The following CPEB1 variants were observed in gnomAD, a reference collection of about 807,000 sequenced individuals.
CPEB1 encodes the protein cytoplasmic polyadenylation element-binding protein 1.
Under a neutral mutation model 65.8 loss-of-function variants are expected in CPEB1, and 7 were observed. The observed-to-expected ratio is 0.11, with a 90% CI of 0.06 to 0.20. The LOEUF (loss-of-function observed/expected upper bound fraction) is 0.20. Among genes scored for constraint, CPEB1 ranks in the 10% least tolerant of loss-of-function variants. CPEB1 has a pLI of 1.00. For missense variants in CPEB1, 551 were observed against 712.2 expected, an observed-to-expected ratio of 0.77 and a Z score of 2.58; for synonymous variants, 262 against 260.0, an observed-to-expected ratio of 1.01 and a Z score of -0.08.
chr15:82,605,173 A>G (rs2043454132), intron 3 of CPEB1, among the ~76,000 whole-genome samples: 1 of 152,192 alleles, frequency 6.6e-6, no homozygotes, highest in South Asian at 2.1e-4. Flanking sequence ...AGAAATTAAG[A>G]CATTCCTAGA....
Position 82,626,427 on chromosome 15 carries a change from C to T in CPEB1, c.271+766G>A, listed in dbSNP as rs1043014612. Among the ~76,000 whole-genome samples the T allele has an allele frequency of 5.9e-5, 9 of 151,678 alleles. No individual in the cohort carries two copies. The South Asian group carries it at 8.3e-4, about 14-fold the overall frequency. On this transcript the variant is annotated intron_variant, in intron 3 of 12. Transcript: ENST00000684509. ...CCAACCTGGCAACAGAGTGAGACTC[C>T]GTCCCAAAAAACAAAAAGAAAGAAA...
intron 3 of CPEB1, chr15:82,572,910 C>T: frequency 2.2e-6 from 2 of 919,408 alleles, no homozygotes; most frequent in Non-Finnish European, 3.0e-6. Flanking sequence ...GCCATCTCCT[C>T]CCACATCGGT....
chr15:82,563,356 TC>T (rs2038562151), intron 4 of CPEB1, among the ~76,000 whole-genome samples: 2 of 129,264 alleles, frequency 1.5e-5, no homozygotes, highest in Admixed American at 1.7e-4. Context: ...TCATCTCTAT[TC>T]TTTTTTTTTT....
At chr15:82,627,073 T>C (rs1297904613) in intron 3 of CPEB1, 120 bp downstream of exon 3, 2 of 751,720 alleles carry the variant, frequency 2.7e-6, no homozygotes, top group East Asian at 5.7e-5. Context: ...AAAAGGCAAG[T>C]ATTGCCAGCA....
At chr15:82,640,667 T>C (rs1596146148) in intron 1 of CPEB1, 1 of 152,190 alleles carries the variant, frequency 6.6e-6, no homozygotes, top group Non-Finnish European at 1.5e-5. Flanking sequence ...CTCAGATAGA[T>C]ACACGCATTC....
chr15:82,640,437 A>C (rs1223095372), intron 1 of CPEB1, among the ~76,000 whole-genome samples: 1 of 152,186 alleles, frequency 6.6e-6, no homozygotes, highest in African/African-American at 2.4e-5. Context: ...TTAAAATTCT[A>C]GCAATACTGT....
intron 3 of CPEB1, among the ~76,000 whole-genome samples, chr15:82,592,016 G>T (rs1408281548): frequency 6.6e-6 from 1 of 151,214 alleles, no homozygotes; most frequent in Non-Finnish European, 1.5e-5. Flanking sequence ...GCTAATTTTT[G>T]TATTTTTTGT....
At chr15:82,629,946 A>G (rs1462432404) in intron 1 of CPEB1, 1 of 985,430 alleles carries the variant, frequency 1.0e-6, no homozygotes, top group Non-Finnish European at 1.2e-6. Context: ...GAAGACGACC[A>G]AAATACACAA....
intron 4 of CPEB1, among the ~76,000 whole-genome samples, chr15:82,559,613 A>G (rs1468849570): frequency 6.6e-6 from 1 of 152,230 alleles, no homozygotes; most frequent in Non-Finnish European, 1.5e-5. Context: ...GGGTGGAGCC[A>G]CAGCACATCC....
In CPEB1 at chr15:82,546,614, G is replaced by A. The variant is rs918393101; in HGVS notation, c.1576-93C>T. On this transcript the variant is annotated intron_variant, in intron 11 of 12. Coordinates refer to ENST00000684509, the MANE Select transcript of CPEB1 (RefSeq NM_001365242.1). ...AAGGGCACATTATTGGCCACACACA[G>A]GAATGCGGGATATTGGAATGCAGGA... is the stretch of plus-strand genomic sequence containing the variant. 4 of 891,290 alleles carry A rather than the reference G, an allele frequency of 4.5e-6. No individual in the cohort carries two copies. The African/African-American group carries it at 5.0e-5, about 11-fold the overall frequency. The allele number at this position is 891,290 out of a possible 1,614,324, so 55.2% of individuals were successfully genotyped here.
chr15:82,576,882 G>C (rs1381937483), intron 3 of CPEB1, among the ~76,000 whole-genome samples: 1 of 152,070 alleles, frequency 6.6e-6, no homozygotes, highest in East Asian at 1.9e-4. Context: ...AAATCAGCCG[G>C]GCATGGTGGG....
intron 1 of CPEB1, among the ~76,000 whole-genome samples, chr15:82,632,726 G>A (rs927337234): frequency 1.1e-4 from 17 of 151,026 alleles, no homozygotes; most frequent in African/African-American, 3.4e-4. Flanking sequence ...AAAAGGTCTC[G>A]CTATGTTGTC....
At chr15:82,594,432 T>C (rs897909426) in intron 3 of CPEB1, among the ~76,000 whole-genome samples, 4 of 152,224 alleles carry the variant, frequency 2.6e-5, no homozygotes, top group Non-Finnish European at 4.4e-5. Context: ...CCAAATTTTC[T>C]TGTGCAGCTT....
chr15:82,637,856 G>C (rs1004403406), intron 1 of CPEB1: 2 of 345,010 alleles, frequency 5.8e-6, no homozygotes, highest in Admixed American at 3.6e-5. Flanking sequence ...TTACTCAAGA[G>C]CTTTTTGTGT....
intron 4 of CPEB1, among the ~76,000 whole-genome samples, chr15:82,568,261 T>A (rs1048292277): frequency 2.6e-5 from 4 of 152,128 alleles, no homozygotes; most frequent in Admixed American, 2.6e-4. Context: ...CGATAAATGG[T>A]GGTTATTAGT....
chr15:82,595,205 A>C (rs568948412), intron 3 of CPEB1, among the ~76,000 whole-genome samples: 1 of 152,340 alleles, frequency 6.6e-6, no homozygotes, highest in South Asian at 2.1e-4. Context: ...CATTCTGTTC[A>C]TCCATTCATC....
intron 1 of CPEB1, among the ~76,000 whole-genome samples, chr15:82,642,885 A>G (rs1173676823): frequency 2.0e-5 from 3 of 152,230 alleles, no homozygotes; most frequent in Non-Finnish European, 4.4e-5. Context: ...CAGTGTAAAC[A>G]TTAATATTTA....
chr15:82,647,474 G>C (rs1205754294), upstream of CPEB1: 1 of 185,050 alleles, frequency 5.4e-6, no homozygotes, highest in Admixed American at 6.2e-5. Flanking sequence ...AGCGGCTTCG[G>C]GTCTCCCGTG....
intron 3 of CPEB1, among the ~76,000 whole-genome samples, chr15:82,624,490 G>C (rs775949047): frequency 6.6e-6 from 1 of 152,064 alleles, no homozygotes; most frequent in Non-Finnish European, 1.5e-5. Flanking sequence ...ATTTCCTCAA[G>C]ATCTTCCTCC....
Sources: gnomAD v4.1 joint callset for allele counts (sites outside exome capture counted in the v4.1 genomes callset) on GRCh38, gnomAD v4.1.1 for gene constraint, MANE v1.5 for transcripts, NCBI Gene and HGNC (gene_info 2026-07-23, HGNC 2026-07-21) for gene names.